The following SLC10A6 variants were observed in gnomAD, a reference collection of about 807,000 sequenced individuals.
SLC10A6 encodes the protein sodium-dependent organic anion transporter.
A neutral mutation model predicts 30.0 loss-of-function variants in SLC10A6; 27 were observed. That is an observed-to-expected ratio of 0.90 (90% CI 0.66 to 1.24). The LOEUF (loss-of-function observed/expected upper bound fraction) is 1.24. Ranked by LOEUF, SLC10A6 falls within the 50% of genes most tolerant of loss-of-function variation. The pLI is 0.00. For synonymous variants in SLC10A6, 166 were observed against 173.8 expected (o/e 0.95, Z 0.36); for missense variants, 439 against 457.0 (o/e 0.96, Z 0.36).
intron 1 of SLC10A6, among the ~76,000 whole-genome samples, chr4:86,840,989 C>T (rs1470877292): frequency 6.6e-6 from 1 of 152,218 alleles, no homozygotes; most frequent in Non-Finnish European, 1.5e-5. Context: ...CCACAGCTCT[C>T]AAACCTCTGT....
chr4:86,828,760 T>C (rs1746036721), intron 3 of SLC10A6, among the ~76,000 whole-genome samples: 1 of 152,204 alleles, frequency 6.6e-6, no homozygotes, highest in Non-Finnish European at 1.5e-5. Flanking sequence ...AAATGGATAC[T>C]GTCCTTACTT....
intron 1 of SLC10A6, among the ~76,000 whole-genome samples, chr4:86,839,297 A>C (rs1746252110): frequency 1.3e-5 from 2 of 151,006 alleles, no homozygotes; most frequent in South Asian, 4.2e-4. Context: ...AAAAAAGTAC[A>C]AAAATTAGCT....
At chr4:86,839,919 T>A (rs940063541) in intron 1 of SLC10A6, among the ~76,000 whole-genome samples, 8 of 151,386 alleles carry the variant, frequency 5.3e-5, no homozygotes, top group Non-Finnish European at 7.4e-5. Flanking sequence ...TTTTTTTATT[T>A]TTTTTTTTTA....
intron 1 of SLC10A6, among the ~76,000 whole-genome samples, chr4:86,838,087 C>A (rs1315789924): frequency 6.6e-6 from 1 of 152,208 alleles, no homozygotes; most frequent in Non-Finnish European, 1.5e-5. Flanking sequence ...AATGTTTATA[C>A]TCTTGACAAA....
At chr4:86,844,970 C>T (rs1467988291) in intron 1 of SLC10A6, among the ~76,000 whole-genome samples, 1 of 152,148 alleles carries the variant, frequency 6.6e-6, no homozygotes, top group Non-Finnish European at 1.5e-5. Context: ...ATGACCTGAT[C>T]ACTTCCCTCC....
At chr4:86,837,295 AAGG>A (rs1340365929) in intron 1 of SLC10A6, among the ~76,000 whole-genome samples, 2 of 65,250 alleles carry the variant, frequency 3.1e-5, no homozygotes, top group African/African-American at 9.1e-5. Context: ...AAAAGAAAGG[AAGG>A]AAGGAAGGAA....
At chr4:86,842,811 T>A (rs993400680) in intron 1 of SLC10A6, among the ~76,000 whole-genome samples, 1 of 17,404 alleles carries the variant, frequency 5.7e-5, no homozygotes, top group South Asian at 1.7e-3. Context: ...TCTTTCTTTC[T>A]TTCTTTCTTT....
chr4:86,831,690 G>C, intron 3 of SLC10A6, 102 bp downstream of exon 3: 1 of 900,910 alleles, frequency 1.1e-6, no homozygotes, highest in Admixed American at 2.0e-5. Context: ...TCTGGGTGTG[G>C]GGCCGTACTC....
At chr4:86,836,252 G>A (rs1430292008) in intron 1 of SLC10A6, among the ~76,000 whole-genome samples, 1 of 152,188 alleles carries the variant, frequency 6.6e-6, no homozygotes, top group Non-Finnish European at 1.5e-5. Flanking sequence ...TGGTTCTTAA[G>A]AACTTTTAAG....
At position 86,823,712 on chromosome 4, in the gene SLC10A6, A is replaced by C; in HGVS notation, c.1110T>G (p.Val370=). The C allele has an allele frequency of 6.2e-7, 1 of 1,611,902 alleles. No individual in the cohort carries two copies. The highest frequency in any genetic ancestry group is 8.5e-7 in the Non-Finnish European group (1 of 1,179,200). Reference sequence around the variant, plus strand: ...GCTATTCACATGAAGTGATGTGGCCAACTGGCTCGAGAGCCCTGTGGCAAT... The same window carrying C: ...GCTATTCACATGAAGTGATGTGGCCCACTGGCTCGAGAGCCCTGTGGCAAT... The part of the protein sequence containing the change: ...PMDCHRALEP[V]GHITSCE The change falls in exon 6 of 6, where the codon GTT becomes GTG. Residue 370 remains valine (V), a synonymous_variant. Coordinates refer to ENST00000273905, the MANE Select transcript of SLC10A6 (RefSeq NM_197965.3).
intron 1 of SLC10A6, among the ~76,000 whole-genome samples, chr4:86,846,416 TC>T (rs879534186): frequency 6.6e-6 from 1 of 152,096 alleles, no homozygotes; most frequent in Non-Finnish European, 1.5e-5. Context: ...ATATATTTCC[TC>T]CATAAATATA....
chr4:86,832,392 C>T (rs1746094301), intron 2 of SLC10A6, among the ~76,000 whole-genome samples: 1 of 152,018 alleles, frequency 6.6e-6, no homozygotes, highest in Non-Finnish European at 1.5e-5. Context: ...ACTGCCTGAG[C>T]TCAGGAGTTT....
At chr4:86,848,688 C>T in intron 1 of SLC10A6, 51 bp downstream of exon 1, 2 of 1,517,872 alleles carry the variant, frequency 1.3e-6, no homozygotes, top group Non-Finnish European at 1.8e-6. Context: ...TCAGTTATTC[C>T]CCCTAGGCAG....
At position 86,849,248 on chromosome 4, in the gene SLC10A6, A is replaced by G; in HGVS notation, c.-133T>C. ...TCATTCCAATAACTGTTGGCCAGCA[A>G]GGTGATTCATCCTAATCTGATCAAT... On this transcript the variant is annotated 5_prime_UTR_variant, in exon 1 of 6. Transcript: ENST00000273905. The G allele has an allele frequency of 1.8e-6, 2 of 1,089,242 alleles. No individual in the cohort carries two copies. The highest frequency in any genetic ancestry group is 4.8e-5 in the East Asian group (2 of 42,024). The allele number at this position is 1,089,242 out of a possible 1,614,324, so 67.5% of individuals were successfully genotyped here. A position where few individuals can be genotyped will look rare whatever the true frequency, so the allele number is the denominator to read the frequency against.
chr4:86,837,984 C>G (rs1177155513), intron 1 of SLC10A6, among the ~76,000 whole-genome samples: 1 of 152,220 alleles, frequency 6.6e-6, no homozygotes, highest in African/African-American at 2.4e-5. Flanking sequence ...ATCTGTCACT[C>G]TTCCTCCTAA....
rs1746444891 is a variant in SLC10A6 at position 86,849,264 on chromosome 4, T to G, written c.-149A>C. 1 of 891,404 alleles carries G rather than the reference T, an allele frequency of 1.1e-6. No individual in the cohort carries two copies. Among genetic ancestry groups the G allele is most frequent in the African/African-American group, 1.7e-5 (1 of 59,872 alleles). The allele number at this position is 891,404 out of a possible 1,614,324, so 55.2% of individuals were successfully genotyped here. A position where few individuals can be genotyped will look rare whatever the true frequency, so the allele number is the denominator to read the frequency against. Reference sequence around the variant, plus strand: ...TGGCCAGCAAGGTGATTCATCCTAATCTGATCAATTTTTTCACAAGTGGCA... The same window carrying G: ...TGGCCAGCAAGGTGATTCATCCTAAGCTGATCAATTTTTTCACAAGTGGCA... On this transcript the variant is annotated 5_prime_UTR_variant, in exon 1 of 6. Transcript: ENST00000273905.
chr4:86,835,678 AAGAC>A (rs531670221), intron 1 of SLC10A6, among the ~76,000 whole-genome samples: 5 of 151,946 alleles, frequency 3.3e-5, no homozygotes, highest in East Asian at 1.9e-4. Flanking sequence ...AAAAAAAAGA[AAGAC>A]AGAAAGACGA....
intron 5 of SLC10A6, among the ~76,000 whole-genome samples, chr4:86,824,650 T>G (rs1035205023): frequency 2.6e-5 from 4 of 152,028 alleles, no homozygotes; most frequent in Non-Finnish European, 4.4e-5. Flanking sequence ...GATGCTGAAG[T>G]TTGGGAAACA....
intron 2 of SLC10A6, 42 bp from the exon 3 acceptor site, chr4:86,831,922 C>A: frequency 6.8e-7 from 1 of 1,465,478 alleles, no homozygotes. Flanking sequence ...TCCCTCTCAC[C>A]CTGACTGCAC....
Sources: gnomAD v4.1 joint callset for allele counts (sites outside exome capture counted in the v4.1 genomes callset) on GRCh38, gnomAD v4.1.1 for gene constraint, MANE v1.5 for transcripts, NCBI Gene and HGNC (gene_info 2026-07-23, HGNC 2026-07-21) for gene names.